Variants in VPS72 observed in about 807,000 individuals in gnomAD.
VPS72 encodes the protein vacuolar protein sorting 72 homolog.
In VPS72, 27 loss-of-function variants were observed where a neutral mutation model predicts 38.9. That is an observed-to-expected ratio of 0.69 (90% CI 0.51 to 0.96). VPS72 has a LOEUF of 0.96. VPS72 is among the 40% of genes least tolerant of loss of function. The pLI is 0.00. For missense variants in VPS72, 360 were observed against 479.5 expected (o/e 0.75, Z 2.33); for synonymous variants, 173 against 186.3 (o/e 0.93, Z 0.58).
chr1:151,184,274 C>T, intron 4 of VPS72, 43 bp downstream of exon 4: 1 of 1,589,520 alleles, frequency 6.3e-7, no homozygotes, highest in Non-Finnish European at 8.6e-7. Context: ...TTTCTCATGC[C>T]CCTCAGCCCC....
At chr1:151,183,192 C>T (rs1481086399) in intron 4 of VPS72, among the ~76,000 whole-genome samples, 1 of 151,792 alleles carries the variant, frequency 6.6e-6, no homozygotes, top group Non-Finnish European at 1.5e-5. Context: ...GAGGGTGAGG[C>T]GGGTGGATCA....
At chr1:151,186,918 C>A (rs2101729763) in intron 1 of VPS72, among the ~76,000 whole-genome samples, 1 of 152,330 alleles carries the variant, frequency 6.6e-6, no homozygotes, top group Non-Finnish European at 1.5e-5. Flanking sequence ...GATTCTCAAT[C>A]CCCTCCATCT....
chr1:151,178,033 T>C lies in VPS72; in HGVS notation c.675A>G (p.Pro225=). The change falls in exon 5 of 6, where the codon CCA becomes CCG. Residue 225 remains proline, a synonymous_variant. Transcript: ENST00000368892. ...TGTCAACGTTCTCTTCCTTGGGGCC[T>C]GGCTCCCCAACAAGTGGCACTGTCA... ...HSVTVPLVGE[P]GPKEENVDIE... is the part of the protein sequence containing the mutation. 1.2e-6 allele frequency: 2 copies of C among 1,614,064 alleles called. No homozygotes were observed. Among genetic ancestry groups the C allele is most frequent in the Non-Finnish European group, 1.7e-6 (2 of 1,179,998 alleles).
At position 151,179,621 on chromosome 1, in the gene VPS72, G is replaced by T. The variant is rs1684196322; in HGVS notation, c.563-1476C>A. On this transcript the variant is annotated intron_variant, in intron 4 of 5. Transcript: ENST00000368892. The stretch of plus-strand genomic sequence containing the variant: ...CTCAAAAAAAAGAATCACCATGCAC[G>T]GTGGCTCACGCCTGTAATCCCAGCA... Among the ~76,000 whole-genome samples, 3 of 151,574 alleles carry T rather than the reference G, an allele frequency of 2.0e-5. No individual in the cohort carries two copies. In the South Asian group the frequency reaches 6.3e-4, roughly 32 times the overall value.
chr1:151,177,205 T>TTTCACCTTGTTA, intron 5 of VPS72, 174 bp from the exon 6 acceptor site: 2 of 626,662 alleles, frequency 3.2e-6, no homozygotes, highest in Non-Finnish European at 5.2e-6. Context: ...ACTAACAAGG[T>TTTCACCTTGTTA]GAAACCCTGT....
chr1:151,182,177 G>A (rs1684255796), intron 4 of VPS72, among the ~76,000 whole-genome samples: 1 of 152,100 alleles, frequency 6.6e-6, no homozygotes, highest in Non-Finnish European at 1.5e-5. Context: ...ACAGGCATGT[G>A]CCACCACACT....
At chr1:151,187,373 C>CA (rs1160210847) in intron 1 of VPS72, among the ~76,000 whole-genome samples, 1 of 152,130 alleles carries the variant, frequency 6.6e-6, no homozygotes, top group Non-Finnish European at 1.5e-5. Flanking sequence ...CCAAGCCAGC[C>CA]AGAGTTCAAT....
chr1:151,179,561 T>C (rs1684195038), intron 4 of VPS72, among the ~76,000 whole-genome samples: 1 of 151,426 alleles, frequency 6.6e-6, no homozygotes. Context: ...ATCGCGCCAC[T>C]GCACTCCAGC....
chr1:151,182,056 T>G (rs587690074), intron 4 of VPS72, among the ~76,000 whole-genome samples: 1 of 152,124 alleles, frequency 6.6e-6, no homozygotes, highest in South Asian at 2.1e-4. Context: ...AGACAGAGTT[T>G]CACTCTTGTT....
chr1:151,184,640 C>T, intron 3 of VPS72, 147 bp from the exon 4 acceptor site: 1 of 889,732 alleles, frequency 1.1e-6, no homozygotes, highest in Non-Finnish European at 1.6e-6. Flanking sequence ...GGCTGGAGTA[C>T]AGTGGCACGA....
intron 3 of VPS72, 98 bp from the exon 4 acceptor site, chr1:151,184,591 T>TC: frequency 2.3e-6 from 1 of 439,446 alleles, no homozygotes; most frequent in Non-Finnish European, 3.2e-6. Context: ...TTTTTTTTTC[T>TC]TTTTTTTTTT....
intron 4 of VPS72, 28 bp downstream of exon 4, chr1:151,184,289 C>T (rs1280943978): frequency 1.2e-6 from 2 of 1,610,260 alleles, no homozygotes; most frequent in Admixed American, 1.7e-5. Context: ...AGCCCCTCTA[C>T]TCACTTTTTC....
intron 4 of VPS72, 27 bp downstream of exon 4, chr1:151,184,290 T>G: frequency 6.8e-6 from 11 of 1,610,478 alleles, no homozygotes; most frequent in Non-Finnish European, 9.3e-6. Context: ...GCCCCTCTAC[T>G]CACTTTTTCT....
Position 151,189,949 on chromosome 1 carries a change from C to T in VPS72, c.117+56G>A, listed in dbSNP as rs587605688. On this transcript the variant is annotated intron_variant, in intron 1 of 5. Coordinates refer to ENST00000368892, the MANE Select transcript of VPS72 (RefSeq NM_005997.3). ...CTCTTCTTCTTTGTCCGGGGTTTCT[C>T]CCTTCAGGGCTCCTCTTTGCCTCCT... is the stretch of plus-strand genomic sequence containing the variant. 1.0e-4 allele frequency: 160 copies of T among 1,586,704 alleles called. 1 individual carries two copies. Among genetic ancestry groups the T allele is most frequent in the Middle Eastern group, 8.4e-4 (5 of 5,972 alleles).
Position 151,185,908 on chromosome 1 carries a change from C to A in VPS72, c.160G>T (p.Glu54Ter). Residue 54 changes from glutamate (E) to a stop codon, truncating the protein, a stop_gained, in exon 2 of 6, where the codon GAG (glutamate) becomes TAG (stop). Coordinates refer to ENST00000368892, the MANE Select transcript of VPS72 (RefSeq NM_005997.3). LOFTEE classifies it high-confidence loss of function. ...TCAAAGTCAGAGTCCACTTCGTCCTCTGTGTCTGACTGGTCCCCTTGATAC... is the reference window on the plus strand; with the variant it reads ...TCAAAGTCAGAGTCCACTTCGTCCTATGTGTCTGACTGGTCCCCTTGATAC... ...DEYQGDQSDT[E>*]DEVDSDFDID... The A allele has an allele frequency of 6.2e-7, 1 of 1,614,156 alleles. No homozygotes were observed. Among genetic ancestry groups the A allele is most frequent in the Admixed American group, 1.7e-5 (1 of 60,016 alleles).
Position 151,176,578 on chromosome 1 carries a change from G to A in VPS72, c.*66C>T, listed in dbSNP as rs1298073119. 1.3e-6 allele frequency: 2 copies of A among 1,559,886 alleles called. No homozygotes were observed. Among genetic ancestry groups the A allele is most frequent in the Non-Finnish European group, 1.7e-6 (2 of 1,154,130 alleles). Reference sequence around the variant, plus strand: ...AGATGACAAAGGGGAGAAGCAGGGAGAAGAAACGGAACAGCAAGAGCCCCA... The same window carrying A: ...AGATGACAAAGGGGAGAAGCAGGGAAAAGAAACGGAACAGCAAGAGCCCCA... On this transcript the variant is annotated 3_prime_UTR_variant, in exon 6 of 6. Transcript: ENST00000368892.
In VPS72 at chr1:151,176,681, CCAGAGCCAGGGAGGGGCT is replaced by C. The variant is rs767031660; in HGVS notation, c.1040_1057del (p.Glu347_Ser352del). Reference sequence around the variant, plus strand: ...AATTTTCTGGCGCAAGGCTCGGGGCCCAGAGCCAGGGAGGGGCTCAGGAGGTGGCGGGCCGGGGCCCAG... The same window carrying C: ...AATTTTCTGGCGCAAGGCTCGGGGCCCAGGAGGTGGCGGGCCGGGGCCCAG... On this transcript the variant is annotated inframe_deletion, in exon 6 of 6. Coordinates refer to ENST00000368892, the MANE Select transcript of VPS72 (RefSeq NM_005997.3). 2 of 1,613,964 alleles carry C rather than the reference CCAGAGCCAGGGAGGGGCT, an allele frequency of 1.2e-6. No individual in the cohort carries two copies. The highest frequency in any genetic ancestry group is 1.7e-6 in the Non-Finnish European group (2 of 1,179,966).
rs1414152891 is a variant in VPS72, at chr1:151,176,726, G to A, written c.1013C>T (p.Ala338Val). 1 of 1,614,236 alleles carries A rather than the reference G, an allele frequency of 6.2e-7. No homozygotes were observed. Among genetic ancestry groups the A allele is most frequent in the South Asian group, 1.1e-5 (1 of 91,090 alleles). ...TAHGLPPTAS[A>V]LGPGPPPPEP... ...AGGAGGTGGCGGGCCGGGGCCCAGG[G>A]CTGAGGCAGTGGGCGGCAGTCCATG... is the stretch of plus-strand genomic sequence containing the variant. Residue 338 changes from alanine (A) to valine (V), a missense_variant, in exon 6 of 6, where the codon GCC becomes GTC. Ala to Val is a moderately conservative substitution (Grantham distance 64, BLOSUM62 0). This residue lies in a region of VPS72 where 294 missense variants were observed against 356.3 expected (regional missense o/e 0.83). Coordinates refer to ENST00000368892, the MANE Select transcript of VPS72 (RefSeq NM_005997.3).
intron 1 of VPS72, 135 bp from the exon 2 acceptor site, chr1:151,186,085 G>T: frequency 8.5e-7 from 1 of 1,173,638 alleles, no homozygotes; most frequent in Non-Finnish European, 1.2e-6. Flanking sequence ...TTTTCCTCAG[G>T]CAAGAAAACT....
Sources: gnomAD v4.1 joint callset for allele counts (sites outside exome capture counted in the v4.1 genomes callset) on GRCh38, gnomAD v4.1.1 for gene constraint, gnomAD v4.1.1 regional missense constraint, MANE v1.5 for transcripts, NCBI Gene and HGNC (gene_info 2026-07-23, HGNC 2026-07-21) for gene names.